Variants in PRKCA observed in about 807,000 individuals in gnomAD.
PRKCA encodes the protein protein kinase C alpha type.
Under a neutral mutation model 87.0 loss-of-function variants are expected in PRKCA, and 27 were observed. The observed-to-expected ratio is 0.31, with a 90% CI of 0.23 to 0.43. The LOEUF (loss-of-function observed/expected upper bound fraction) is 0.43, where lower values mean the gene tolerates loss of function less well. Among genes scored for constraint, PRKCA ranks in the 20% least tolerant of loss-of-function variants. The pLI is 1.00. For synonymous variants in PRKCA, 329 were observed against 311.1 expected, an observed-to-expected ratio of 1.06 and a Z score of -0.61; for missense variants, 518 against 852.3, an observed-to-expected ratio of 0.61 and a Z score of 4.88.
At position 66,803,596 on chromosome 17, in the gene PRKCA, C is replaced by T. The variant is rs142491427; in HGVS notation, c.1855-277C>T. Among the ~76,000 whole-genome samples the T allele has an allele frequency of 1.3e-5, 2 of 152,146 alleles. No individual in the cohort carries two copies. Among genetic ancestry groups the T allele is most frequent in the South Asian group, 4.1e-4 (2 of 4,834 alleles). ...GCTCGGTGAGGTGGACGTGAGGGGA[C>T]AGGGGCTGTCCCCTTGTTGCTGCCT... On this transcript the variant is annotated intron_variant, in intron 16 of 16. Transcript: ENST00000413366. The surrounding 1 kb of genome is among the most constrained non-coding windows in gnomAD (Gnocchi z 4.4).
chr17:66,781,744 T>C (rs150169770), intron 14 of PRKCA, among the ~76,000 whole-genome samples: 2 of 151,760 alleles, frequency 1.3e-5, no homozygotes, highest in East Asian at 3.9e-4. Context: ...GTTGGGAAGA[T>C]GAAAAAGTTC....
chr17:66,725,032 C>A (rs1477034156), intron 8 of PRKCA, among the ~76,000 whole-genome samples: 1 of 152,142 alleles, frequency 6.6e-6, no homozygotes, highest in Non-Finnish European at 1.5e-5. Flanking sequence ...GAGGAATAGC[C>A]CTTCAGAGAA....
At chr17:66,726,994 G>A (rs1474866677) in intron 8 of PRKCA, among the ~76,000 whole-genome samples, 1 of 152,140 alleles carries the variant, frequency 6.6e-6, no homozygotes, top group Non-Finnish European at 1.5e-5. Context: ...AAAGTGCTGG[G>A]ATTACAGGCT....
chr17:66,527,610 C>T (rs1967390704), intron 3 of PRKCA, among the ~76,000 whole-genome samples: 1 of 152,244 alleles, frequency 6.6e-6, no homozygotes, highest in Non-Finnish European at 1.5e-5. Flanking sequence ...TCTGCTCAAA[C>T]CTCCTCCCGT....
intron 2 of PRKCA, among the ~76,000 whole-genome samples, chr17:66,453,071 T>A (rs1161793562): frequency 6.6e-6 from 1 of 152,138 alleles, no homozygotes; most frequent in African/African-American, 2.4e-5. Flanking sequence ...TTCCCCACAG[T>A]GGCTTAGGAA....
intron 5 of PRKCA, among the ~76,000 whole-genome samples, chr17:66,670,054 C>T (rs1169686008): frequency 6.6e-6 from 1 of 152,210 alleles, no homozygotes; most frequent in African/African-American, 2.4e-5. Context: ...GATAAGAAAA[C>T]ATCACTTACA....
intron 5 of PRKCA, among the ~76,000 whole-genome samples, chr17:66,681,996 T>C (rs1042710636): frequency 6.6e-6 from 1 of 152,224 alleles, no homozygotes; most frequent in East Asian, 1.9e-4. Flanking sequence ...CACTGTGCCA[T>C]CTACTGTGGT....
intron 13 of PRKCA, among the ~76,000 whole-genome samples, chr17:66,750,134 G>A (rs1312590463): frequency 1.3e-5 from 2 of 151,856 alleles, no homozygotes; most frequent in Non-Finnish European, 2.9e-5. Context: ...AGAAGAAAGG[G>A]GGAGAATGAG....
At chr17:66,697,992 G>A (rs191974028) in intron 8 of PRKCA, among the ~76,000 whole-genome samples, 27 of 152,324 alleles carry the variant, frequency 1.8e-4, no homozygotes, top group Non-Finnish European at 2.6e-4. Flanking sequence ...GGCATGCAAA[G>A]TCAAGAATTA....
chr17:66,628,754 G>C (rs1269165590), intron 3 of PRKCA, among the ~76,000 whole-genome samples: 2 of 152,174 alleles, frequency 1.3e-5, no homozygotes, highest in Non-Finnish European at 2.9e-5. Flanking sequence ...TTGGCTGGGC[G>C]CTGTGGCTCA....
At chr17:66,487,254 T>C (rs532620369) in intron 2 of PRKCA, among the ~76,000 whole-genome samples, 6 of 152,316 alleles carry the variant, frequency 3.9e-5, no homozygotes, top group South Asian at 2.1e-4. Context: ...CTCCCACATA[T>C]GAGTGAGAGC....
chr17:66,321,777 C>T (rs780442640), intron 2 of PRKCA, among the ~76,000 whole-genome samples: 3 of 152,132 alleles, frequency 2.0e-5, no homozygotes, highest in African/African-American at 7.2e-5. Context: ...CTCCTGACCT[C>T]GGGTGATCCA....
chr17:66,466,985 A>G (rs1915114113), intron 2 of PRKCA, among the ~76,000 whole-genome samples: 1 of 152,234 alleles, frequency 6.6e-6, no homozygotes. Context: ...TGAAAATGAA[A>G]GCAAAATGAT....
At chr17:66,789,561 T>C (rs1975481731) in intron 16 of PRKCA, among the ~76,000 whole-genome samples, 1 of 152,220 alleles carries the variant, frequency 6.6e-6, no homozygotes, top group Admixed American at 6.5e-5. Flanking sequence ...TTCATTTATT[T>C]AAACACTGTA....
chr17:66,341,057 T>C (rs1037105931), intron 2 of PRKCA, among the ~76,000 whole-genome samples: 1 of 152,174 alleles, frequency 6.6e-6, no homozygotes, highest in African/African-American at 2.4e-5. Context: ...CTTCTCATTC[T>C]TTTTCACCCC....
Position 66,536,529 on chromosome 17 carries a change from C to T in PRKCA, c.288+40246C>T, listed in dbSNP as rs8072040. On this transcript the variant is annotated intron_variant, in intron 3 of 16. Coordinates refer to ENST00000413366, the MANE Select transcript of PRKCA (RefSeq NM_002737.3). Reference sequence around the variant, plus strand: ...GCATAAATGTAGTTAACTTCGGAGCCGGAAGACCAGGGTTGAATCTTGGCT... The same window carrying T: ...GCATAAATGTAGTTAACTTCGGAGCTGGAAGACCAGGGTTGAATCTTGGCT... 1.3e-3 allele frequency among the ~76,000 whole-genome samples: 199 copies of T among 152,268 alleles called. 1 individual carries two copies. The highest frequency in any genetic ancestry group is 4.7e-3 in the African/African-American group (196 of 41,548).
intron 2 of PRKCA, among the ~76,000 whole-genome samples, chr17:66,353,751 G>T (rs1406958701): frequency 4.6e-5 from 7 of 152,156 alleles, no homozygotes; most frequent in Non-Finnish European, 8.8e-5. Flanking sequence ...AATAGAAACA[G>T]TGTGTAGAAA....
intron 2 of PRKCA, among the ~76,000 whole-genome samples, chr17:66,397,208 A>G (rs146510738): frequency 0.012 from 1,584 of 135,966 alleles, 22 homozygotes; most frequent in African/African-American, 0.041. Context: ...CAGGTGATCC[A>G]CCTCCCTCAG....
chr17:66,758,021 G>A (rs975436975), intron 13 of PRKCA, among the ~76,000 whole-genome samples: 2 of 152,152 alleles, frequency 1.3e-5, no homozygotes, highest in Admixed American at 6.6e-5. Context: ...CACTGCGCCC[G>A]GCCAAAAGAA....
Sources: allele counts gnomAD v4.1 joint callset (sites outside exome capture counted in the v4.1 genomes callset), GRCh38; gene constraint gnomAD v4.1.1; non-coding constraint Gnocchi (gnomAD v3.1); transcripts MANE v1.5; gene names NCBI Gene and HGNC (gene_info 2026-07-23, HGNC 2026-07-21).